MANBA: variants seen among roughly 807,000 people sequenced by gnomAD.
MANBA encodes the protein beta-mannosidase.
In MANBA, 83 loss-of-function variants were observed where a neutral mutation model predicts 111.1. The ratio of observed to expected loss-of-function variants is 0.75; its 90% CI spans 0.63 to 0.90. The LOEUF is 0.90. Ranked by LOEUF, MANBA falls within the 40% of genes least tolerant of loss-of-function variation. The pLI is 0.00. For missense variants in MANBA, 1,036 were observed against 1,069.0 expected, an observed-to-expected ratio of 0.97 and a Z score of 0.43; for synonymous variants, 370 against 378.7, an observed-to-expected ratio of 0.98 and a Z score of 0.27.
At chr4:102,754,567 T>C (rs554744421) in intron 1 of MANBA, among the ~76,000 whole-genome samples, 16 of 151,990 alleles carry the variant, frequency 1.1e-4, no homozygotes, top group African/African-American at 3.9e-4. Flanking sequence ...TTATTTATTT[T>C]TTTTTTTGAG....
In MANBA at chr4:102,639,856, A is replaced by G; in HGVS notation, c.1871T>C (p.Val624Ala). Reference protein sequence around the residue: ...TFKDTIYLTQVMQAQCVKTET... With the variant: ...TFKDTIYLTQAMQAQCVKTET... Reference sequence around the variant, plus strand: ...TGTTTTGACACACTGGGCCTGCATCACCTGATTCAGGAAAACATTCATACA... The same window carrying G: ...TGTTTTGACACACTGGGCCTGCATCGCCTGATTCAGGAAAACATTCATACA... Residue 624 changes from valine to alanine, a missense_variant and splice_region_variant, in exon 14 of 17, where the codon GTG (valine) becomes GCG (alanine). Transcript: ENST00000647097. The G allele has an allele frequency of 6.2e-7, 1 of 1,614,048 alleles. No homozygotes were observed. The highest frequency in any genetic ancestry group is 8.5e-7 in the Non-Finnish European group (1 of 1,179,970).
At chr4:102,656,663 CAGAGG>C (rs1730570219) in intron 12 of MANBA, among the ~76,000 whole-genome samples, 1 of 151,988 alleles carries the variant, frequency 6.6e-6, no homozygotes. Context: ...AATAGCCAAA[CAGAGG>C]AAACAACACA....
intron 11 of MANBA, chr4:102,662,841 G>C (rs1189449951): frequency 6.5e-6 from 1 of 154,652 alleles, no homozygotes; most frequent in Non-Finnish European, 1.4e-5. Context: ...AAACAAACAA[G>C]TGCAAGATTG....
At chr4:102,673,422 C>T (rs1444861918) in intron 8 of MANBA, among the ~76,000 whole-genome samples, 8 of 151,632 alleles carry the variant, frequency 5.3e-5, no homozygotes, top group African/African-American at 1.7e-4. Context: ...GCAGGAGAAT[C>T]GCTTGAGCCT....
intron 1 of MANBA, among the ~76,000 whole-genome samples, chr4:102,740,367 T>G (rs1245407627): frequency 6.6e-6 from 1 of 152,204 alleles, no homozygotes. Flanking sequence ...ATGACCATAC[T>G]GCCAAAAGCA....
intron 9 of MANBA, among the ~76,000 whole-genome samples, chr4:102,669,797 G>A (rs943254560): frequency 1.3e-5 from 2 of 152,088 alleles, no homozygotes; most frequent in Non-Finnish European, 2.9e-5. Context: ...TGGCTAACAC[G>A]GTGAAACCCC....
At chr4:102,662,437 G>A (rs1454150433) in intron 11 of MANBA, among the ~76,000 whole-genome samples, 1 of 151,682 alleles carries the variant, frequency 6.6e-6, no homozygotes, top group Non-Finnish European at 1.5e-5. Context: ...CTACTCGGGA[G>A]GCTGAGGCTA....
chr4:102,713,524 T>C (rs1722173462), intron 5 of MANBA, among the ~76,000 whole-genome samples: 1 of 152,226 alleles, frequency 6.6e-6, no homozygotes, highest in Admixed American at 6.5e-5. Flanking sequence ...CACTGACATC[T>C]GTGAGATTTC....
intron 5 of MANBA, among the ~76,000 whole-genome samples, chr4:102,702,064 T>C (rs1733078143): frequency 6.6e-6 from 1 of 152,016 alleles, no homozygotes; most frequent in Admixed American, 6.5e-5. Context: ...CGTTTCTTTT[T>C]ATTCTTTTTT....
chr4:102,664,611 T>A (rs1308976520), intron 11 of MANBA, 74 bp downstream of exon 11: 9 of 1,343,046 alleles, frequency 6.7e-6, no homozygotes, highest in Middle Eastern at 1.8e-4. Flanking sequence ...GTGCTGGGAT[T>A]ACAGGCGTGA....
rs1732387323 is a variant in MANBA, at chr4:102,689,642, G to T, written c.892C>A (p.Gln298Lys). Residue 298 changes from glutamine to lysine, a missense_variant, in exon 7 of 17, where the codon CAG (glutamine) becomes AAG (lysine). Physicochemically the swap from Gln to Lys is moderately conservative, Grantham distance 53 (BLOSUM62 1). Transcript: ENST00000647097. ...ETWWPHGHGN[Q>K]TGYNMTVLFE... is the part of the protein sequence containing the mutation. ...AGAACAGTCATGTTGTACCCAGTCT[G>T]GTTTCCATGTCCATGAGGCCACCAA... is the stretch of plus-strand genomic sequence containing the variant. 1.9e-6 allele frequency: 3 copies of T among 1,611,396 alleles called. No individual in the cohort carries two copies. The East Asian group carries it at 6.7e-5, about 36-fold the overall frequency.
chr4:102,735,074 A>G (rs1397270788), intron 1 of MANBA, among the ~76,000 whole-genome samples: 2 of 152,186 alleles, frequency 1.3e-5, no homozygotes, highest in African/African-American at 2.4e-5. Context: ...AGACAGAGCC[A>G]GGCCTCACCT....
At chr4:102,746,957 G>C (rs1221607631) in intron 1 of MANBA, among the ~76,000 whole-genome samples, 1 of 148,082 alleles carries the variant, frequency 6.8e-6, no homozygotes, top group Non-Finnish European at 1.5e-5. Flanking sequence ...GGGTGACAGA[G>C]CGAGACTCCA....
At chr4:102,662,346 T>G (rs916160345) in intron 11 of MANBA, among the ~76,000 whole-genome samples, 13 of 151,772 alleles carry the variant, frequency 8.6e-5, no homozygotes, top group Admixed American at 8.5e-4. Flanking sequence ...TTGAGACCAT[T>G]CTGGCCAACA....
In MANBA at chr4:102,685,443, G is replaced by A. The variant is rs796640444; in HGVS notation, c.960+4131C>T. Among the ~76,000 whole-genome samples the A allele has an allele frequency of 9.2e-5, 14 of 152,170 alleles. 1 individual carries two copies. The highest frequency in any genetic ancestry group is 3.4e-4 in the African/African-American group (14 of 41,524). ...AAAATATACTTTAAATGGTCCTAGA[G>A]ACCTTCAAAATTACCTCCATCCTCA... On this transcript the variant is annotated intron_variant, in intron 7 of 16. Transcript: ENST00000647097.
At chr4:102,687,246 C>G (rs569608184) in intron 7 of MANBA, among the ~76,000 whole-genome samples, 1 of 152,134 alleles carries the variant, frequency 6.6e-6, no homozygotes, top group African/African-American at 2.4e-5. Flanking sequence ...GTTCTGTAGA[C>G]CAACCAATCC....
At chr4:102,697,360 T>A (rs940568589) in intron 5 of MANBA, among the ~76,000 whole-genome samples, 18 of 152,182 alleles carry the variant, frequency 1.2e-4, no homozygotes, top group Non-Finnish European at 1.5e-4. Context: ...ATTTTATTTT[T>A]TTATTATTAT....
intron 1 of MANBA, among the ~76,000 whole-genome samples, chr4:102,736,329 T>C (rs1723214963): frequency 6.6e-6 from 1 of 152,204 alleles, no homozygotes; most frequent in South Asian, 2.1e-4. Context: ...ACTTACCATA[T>C]TTACTATGTT....
intron 1 of MANBA, 75 bp downstream of exon 1, chr4:102,760,643 A>G (rs752766546): frequency 4.2e-6 from 6 of 1,423,398 alleles, no homozygotes; most frequent in Admixed American, 2.4e-5. Flanking sequence ...GGGGGCTGCC[A>G]GGCGGTTCCT....
Sources: allele counts gnomAD v4.1 joint callset (sites outside exome capture counted in the v4.1 genomes callset), GRCh38; gene constraint gnomAD v4.1.1; transcripts MANE v1.5; gene names NCBI Gene and HGNC (gene_info 2026-07-23, HGNC 2026-07-21).